The following LSM14A variants were observed in gnomAD, a reference collection of about 807,000 sequenced individuals.
The protein encoded by LSM14A is protein LSM14 homolog A.
A neutral mutation model predicts 52.4 loss-of-function variants in LSM14A; 14 were observed. The observed-to-expected ratio is 0.27, with a 90% CI of 0.18 to 0.42. The LOEUF is 0.42. Among genes scored for constraint, LSM14A ranks in the 10% least tolerant of loss-of-function variants. LSM14A has a pLI of 1.00. For missense variants in LSM14A, 417 were observed against 581.8 expected, an observed-to-expected ratio of 0.72 and a Z score of 2.91; for synonymous variants, 185 against 200.3, an observed-to-expected ratio of 0.92 and a Z score of 0.64.
intron 3 of LSM14A, among the ~76,000 whole-genome samples, chr19:34,199,961 GTACCCTT>G (rs1373669801): frequency 3.3e-5 from 5 of 152,202 alleles, no homozygotes; most frequent in African/African-American, 1.2e-4. Context: ...GGGGAAAAAT[GTACCCTT>G]GTAACACAGA....
chr19:34,174,552 A>G (rs1331130767), intron 1 of LSM14A, among the ~76,000 whole-genome samples: 2 of 152,230 alleles, frequency 1.3e-5, no homozygotes, highest in Admixed American at 1.3e-4. Context: ...GAAATCGGCT[A>G]TAGGATGTAT....
At chr19:34,182,472 G>GTTGT (rs763479177) in intron 1 of LSM14A, among the ~76,000 whole-genome samples, 1 of 151,726 alleles carries the variant, frequency 6.6e-6, no homozygotes, top group East Asian at 1.9e-4. Flanking sequence ...CTGGTTTGTT[G>GTTGT]TTGTTTGTTT....
intron 9 of LSM14A, chr19:34,226,507 G>T: frequency 2.1e-6 from 3 of 1,459,590 alleles, no homozygotes; most frequent in Middle Eastern, 1.8e-4. Flanking sequence ...GGTTGGCTTT[G>T]TGGGGGACAG....
rs756960231 is a variant in LSM14A at position 34,214,020 on chromosome 19, C to G, written c.539-1104C>G. The stretch of plus-strand genomic sequence containing the variant: ...CTGGTCTCGAACTCCTGAGCTCAAG[C>G]GATCTGCCCATCTCAGCCTCCCAAA... On this transcript the variant is annotated intron_variant, in intron 4 of 9. Transcript: ENST00000544216. Among the ~76,000 whole-genome samples, 3 of 152,126 alleles carry G rather than the reference C, an allele frequency of 2.0e-5. No individual in the cohort carries two copies. The East Asian group carries it at 5.8e-4, about 29-fold the overall frequency.
Position 34,221,726 on chromosome 19 carries a change from T to A in LSM14A, c.1356T>A (p.Asp452Glu). The change falls in exon 9 of 10, where the codon GAT (aspartate) becomes GAA (glutamate). Residue 452 changes from aspartate to glutamate, a missense_variant. Physicochemically the swap from Asp to Glu is conservative, Grantham distance 45 (BLOSUM62 2). Transcript: ENST00000544216. ...GTCGTGGGGGCCGGGAGTTTGCGGA[T>A]TTTGAATATAGGGTAAGTGTTACTG... ...RGGRGGREFADFEYRKDNKVA... is the reference protein window; with the variant it reads ...RGGRGGREFAEFEYRKDNKVA... 6.2e-7 allele frequency: 1 copy of A among 1,612,730 alleles called. No individual in the cohort carries two copies. The highest frequency in any genetic ancestry group is 8.5e-7 in the Non-Finnish European group (1 of 1,178,898).
chr19:34,190,571 T>C (rs1016924931), intron 1 of LSM14A, among the ~76,000 whole-genome samples: 24 of 152,082 alleles, frequency 1.6e-4, no homozygotes, highest in Non-Finnish European at 2.9e-5. Flanking sequence ...TGACTCCTAC[T>C]TGACATGATG....
chr19:34,213,399 T>C (rs1424303578), intron 4 of LSM14A, among the ~76,000 whole-genome samples: 1 of 152,216 alleles, frequency 6.6e-6, no homozygotes, highest in Non-Finnish European at 1.5e-5. Flanking sequence ...TGCACATTTG[T>C]AAGTGCATAC....
rs950393509 is a variant in LSM14A, at chr19:34,180,004, G to C, written c.121+7241G>C. ...AGTGCAGTGGCACGATCACAGCCTT[G>C]ACCTCCCTGGGCTCAGGTAATCCTC... On this transcript the variant is annotated intron_variant, in intron 1 of 9. Coordinates refer to ENST00000544216, the MANE Select transcript of LSM14A (RefSeq NM_015578.4). Among the ~76,000 whole-genome samples, 5 of 152,128 alleles carry C rather than the reference G, an allele frequency of 3.3e-5. No individual in the cohort carries two copies. In the East Asian group the frequency reaches 9.6e-4, roughly 29 times the overall value.
rs2073432927 is a variant in LSM14A, at chr19:34,227,957, T to C, written c.*569T>C. On this transcript the variant is annotated 3_prime_UTR_variant, in exon 10 of 10. Transcript: ENST00000544216. ...TCAACTATGTACACACAGTAAATAC[T>C]GTTTCTTAGGCAAAGGTAACTTTTT... is the stretch of plus-strand genomic sequence containing the variant. The C allele has an allele frequency of 6.6e-6, 1 of 152,652 alleles. No individual in the cohort carries two copies. The highest frequency in any genetic ancestry group is 1.5e-5 in the Non-Finnish European group (1 of 68,046). The allele number at this position is 152,652 out of a possible 1,614,324, so 9.5% of individuals were successfully genotyped here.
chr19:34,193,337 T>TA (rs2070600590), intron 1 of LSM14A, among the ~76,000 whole-genome samples: 1 of 149,136 alleles, frequency 6.7e-6, no homozygotes, highest in Non-Finnish European at 1.5e-5. Flanking sequence ...AATGTTTATT[T>TA]TTTTGTAGAG....
intron 1 of LSM14A, among the ~76,000 whole-genome samples, chr19:34,183,440 A>G (rs1296542285): frequency 6.6e-5 from 10 of 152,118 alleles, no homozygotes; most frequent in Non-Finnish European, 1.2e-4. Context: ...AATCCCAGCT[A>G]CTTGGGAAGC....
intron 3 of LSM14A, among the ~76,000 whole-genome samples, chr19:34,206,397 G>A (rs1039236634): frequency 6.6e-5 from 10 of 151,662 alleles, no homozygotes; most frequent in African/African-American, 2.2e-4. Flanking sequence ...GACTGGGTAC[G>A]GTGGCTCAAA....
At chr19:34,201,337 T>TA (rs1367652583) in intron 3 of LSM14A, among the ~76,000 whole-genome samples, 1 of 152,128 alleles carries the variant, frequency 6.6e-6, no homozygotes, top group Admixed American at 6.5e-5. Context: ...GAAAAGGAAT[T>TA]AACTTAAATT....
intron 4 of LSM14A, among the ~76,000 whole-genome samples, chr19:34,209,795 C>T (rs2071998624): frequency 6.6e-6 from 1 of 151,640 alleles, no homozygotes. Context: ...CCTTGGCCTC[C>T]CCAAAGTGTT....
At chr19:34,189,813 G>A (rs1184930094) in intron 1 of LSM14A, among the ~76,000 whole-genome samples, 1 of 152,116 alleles carries the variant, frequency 6.6e-6, no homozygotes, top group Non-Finnish European at 1.5e-5. Context: ...CTAATAAAAA[G>A]ATAGTAGTGT....
At chr19:34,204,554 A>AC (rs2071540946) in intron 3 of LSM14A, among the ~76,000 whole-genome samples, 1 of 151,248 alleles carries the variant, frequency 6.6e-6, no homozygotes, top group Non-Finnish European at 1.5e-5. Flanking sequence ...TCTGCAAAAA[A>AC]AAAAAAAAAA....
chr19:34,187,562 C>G (rs2070018997), intron 1 of LSM14A, among the ~76,000 whole-genome samples: 1 of 152,122 alleles, frequency 6.6e-6, no homozygotes, highest in African/African-American at 2.4e-5. Context: ...AGCGCTGAGA[C>G]TACAAGTGTG....
chr19:34,188,141 G>T (rs920258315), intron 1 of LSM14A, among the ~76,000 whole-genome samples: 1 of 151,926 alleles, frequency 6.6e-6, no homozygotes, highest in South Asian at 2.1e-4. Flanking sequence ...ACAAAAATTA[G>T]CCAGGTGTAG....
rs140953907 is a variant in LSM14A at position 34,218,677 on chromosome 19, C to T, written c.782-714C>T. On this transcript the variant is annotated intron_variant, in intron 6 of 9. Transcript: ENST00000544216. ...CTTGTGTTGGATATTTGGGTTCCCA[C>T]GTTTTTCACTATAAATTATGCTGCT... Among the ~76,000 whole-genome samples, 174 of 152,238 alleles carry T rather than the reference C, an allele frequency of 1.1e-3. 1 individual carries two copies. The highest frequency in any genetic ancestry group is 3.4e-3 in the Middle Eastern group (1 of 294).
Sources: gnomAD v4.1 joint callset for allele counts (sites outside exome capture counted in the v4.1 genomes callset) on GRCh38, gnomAD v4.1.1 for gene constraint, MANE v1.5 for transcripts, NCBI Gene and HGNC (gene_info 2026-07-23, HGNC 2026-07-21) for gene names.